Variants in KIAA1217 observed in about 807,000 individuals in gnomAD.
The protein encoded by KIAA1217 is sickle tail protein homolog.
KIAA1217 carries 88 observed loss-of-function variants against 163.9 expected under a neutral mutation model. That is an observed-to-expected ratio of 0.54 (90% CI 0.45 to 0.64). The LOEUF is 0.64. Among genes scored for constraint, KIAA1217 ranks in the 30% least tolerant of loss-of-function variants. The pLI is 0.00. For synonymous variants in KIAA1217, 903 were observed against 923.1 expected (o/e 0.98, Z 0.39); for missense variants, 2,372 against 2,475.0 (o/e 0.96, Z 0.88).
At chr10:24,317,869 A>G (rs1188743359) in intron 2 of KIAA1217, among the ~76,000 whole-genome samples, 1 of 152,230 alleles carries the variant, frequency 6.6e-6, no homozygotes. Flanking sequence ...ACATCAATTC[A>G]AAAGAAAAGA....
intron 2 of KIAA1217, among the ~76,000 whole-genome samples, chr10:24,279,274 G>GT (rs1590526126): frequency 6.8e-6 from 1 of 147,834 alleles, no homozygotes; most frequent in Admixed American, 6.7e-5. Flanking sequence ...GTTTTTGTTT[G>GT]TTTGTTTTTT....
chr10:23,980,809 T>C (rs143085921), intron 1 of KIAA1217, among the ~76,000 whole-genome samples: 1 of 152,266 alleles, frequency 6.6e-6, no homozygotes, highest in Non-Finnish European at 1.5e-5. Flanking sequence ...CATCTTTACT[T>C]CTCTTTCCCA....
chr10:24,219,177 G>T (rs935864453), intron 1 of KIAA1217, among the ~76,000 whole-genome samples: 1 of 152,096 alleles, frequency 6.6e-6, no homozygotes, highest in East Asian at 1.9e-4. Flanking sequence ...GCAGTGGCAC[G>T]ATCATAGCTC....
intron 2 of KIAA1217, among the ~76,000 whole-genome samples, chr10:24,020,817 A>C (rs1168098668): frequency 6.6e-6 from 1 of 152,036 alleles, no homozygotes; most frequent in Non-Finnish European, 1.5e-5. Flanking sequence ...GACTCTACAG[A>C]TTAATTCCTA....
intron 14 of KIAA1217, 67 bp downstream of exon 14, chr10:24,528,186 A>G: frequency 7.7e-7 from 1 of 1,298,068 alleles, no homozygotes; most frequent in South Asian, 1.3e-5. Flanking sequence ...AGTGCCATCC[A>G]CGACAGCACA....
rs546629890 is a variant in KIAA1217 at position 24,091,977 on chromosome 10, G to A, written c.-171+84603G>A. Among the ~76,000 whole-genome samples the A allele has an allele frequency of 1.0e-3, 154 of 151,788 alleles. 8 individuals carry two copies. Among genetic ancestry groups the A allele is most frequent in the African/African-American group, 3.6e-3 (148 of 41,118 alleles). On this transcript the variant is annotated intron_variant, in intron 2 of 18. Coordinates refer to the KIAA1217 transcript ENST00000376462. ...GCTTGGAAAGGCTCACTGCATTTAT[G>A]CCCTCTCATTAACATGGAAGAGCTA...
intron 2 of KIAA1217, among the ~76,000 whole-genome samples, chr10:24,284,155 A>G (rs2078287563): frequency 6.6e-6 from 1 of 152,014 alleles, no homozygotes; most frequent in South Asian, 2.1e-4. Context: ...AGATCCACCC[A>G]CTTTGGCCTC....
At chr10:24,047,133 A>C (rs1389657340) in intron 2 of KIAA1217, among the ~76,000 whole-genome samples, 1 of 152,252 alleles carries the variant, frequency 6.6e-6, no homozygotes, top group African/African-American at 2.4e-5. Flanking sequence ...TAATATTGAA[A>C]TAAATTAAAG....
In KIAA1217 at chr10:24,007,300, C is replaced by G. The variant is rs528577020; in HGVS notation, c.-245C>G. 3 of 152,240 alleles carry G rather than the reference C, an allele frequency of 2.0e-5. No individual in the cohort carries two copies. In the South Asian group the frequency reaches 6.2e-4, roughly 32 times the overall value. The allele number at this position is 152,240 out of a possible 1,614,324, so 9.4% of individuals were successfully genotyped here. A position where few individuals can be genotyped will look rare whatever the true frequency, so the allele number is the denominator to read the frequency against. ...GACGGAGTGGAACCACAGCCCAGAG[C>G]CCCTGGGAATCATCCCTGAAAGACT... On this transcript the variant is annotated 5_prime_UTR_variant, in exon 2 of 19. Coordinates refer to the KIAA1217 transcript ENST00000376462.
At chr10:24,100,208 G>A (rs1675855812) in intron 2 of KIAA1217, among the ~76,000 whole-genome samples, 1 of 151,716 alleles carries the variant, frequency 6.6e-6, no homozygotes. Context: ...TGTTAGTTAG[G>A]TTGGTAATAA....
intron 2 of KIAA1217, among the ~76,000 whole-genome samples, chr10:24,177,724 C>A (rs750892493): frequency 8.6e-5 from 13 of 151,836 alleles, no homozygotes; most frequent in Non-Finnish European, 1.6e-4. Flanking sequence ...AGCAGTTAGA[C>A]AAATTGAAGG....
At chr10:24,197,735 A>G in intron 2 of KIAA1217, among the ~76,000 whole-genome samples, 1 of 152,226 alleles carries the variant, frequency 6.6e-6, no homozygotes, top group Middle Eastern at 3.2e-3. Context: ...CAGAAACTTT[A>G]TTGTAATCTC....
chr10:24,053,143 G>C (rs1267716219), intron 2 of KIAA1217, among the ~76,000 whole-genome samples: 1 of 152,090 alleles, frequency 6.6e-6, no homozygotes, highest in Non-Finnish European at 1.5e-5. Context: ...GTGCAATTTT[G>C]TTCCCCGTGT....
At chr10:24,459,872 A>G (rs574898591) in intron 5 of KIAA1217, among the ~76,000 whole-genome samples, 7 of 152,338 alleles carry the variant, frequency 4.6e-5, no homozygotes, top group African/African-American at 9.6e-5. Context: ...TCAAGGCTTC[A>G]GTGAGCTATG....
intron 1 of KIAA1217, among the ~76,000 whole-genome samples, chr10:23,716,065 A>T (rs1355477184): frequency 1.3e-5 from 2 of 152,160 alleles, no homozygotes; most frequent in Non-Finnish European, 2.9e-5. Context: ...TTATTCCTTA[A>T]ATAAGCTTTT....
chr10:24,070,353 G>GA (rs906848048), intron 2 of KIAA1217, among the ~76,000 whole-genome samples: 9 of 151,042 alleles, frequency 6.0e-5, no homozygotes, highest in African/African-American at 1.9e-4. Context: ...AAAATACATT[G>GA]AAAAAAATGA....
In KIAA1217 at chr10:24,381,055, GAA is replaced by G; in HGVS notation, c.543_544del (p.Arg182IlefsTer12). 2 of 1,563,482 alleles carry G rather than the reference GAA, an allele frequency of 1.3e-6. No homozygotes were observed. ...GGTGAGGTCAACCAACCAGACGAAA[GAA>G]AGATCTCTGGGTAAGCTTTAGAAGG... ...PVVRSTNQTK[E>X]RSLGVLYLQY... On this transcript the variant is annotated frameshift_variant, in exon 3 of 21. Transcript: ENST00000376454. LOFTEE classifies it high-confidence loss of function.
At chr10:23,716,863 G>A (rs1454201451) in intron 1 of KIAA1217, among the ~76,000 whole-genome samples, 2 of 151,968 alleles carry the variant, frequency 1.3e-5, no homozygotes, top group Admixed American at 6.6e-5. Context: ...ACTACATCAC[G>A]TTTTTTCTTT....
At chr10:24,495,364 G>T (rs773893792) in intron 8 of KIAA1217, among the ~76,000 whole-genome samples, 168 bp downstream of exon 8, 6 of 152,220 alleles carry the variant, frequency 3.9e-5, no homozygotes, top group Admixed American at 6.5e-5. Flanking sequence ...TCATTAATTC[G>T]GGGGCAAAGC....
Sources: gnomAD v4.1 joint callset for allele counts (sites outside exome capture counted in the v4.1 genomes callset) on GRCh38, gnomAD v4.1.1 for gene constraint, MANE v1.5 for transcripts, NCBI Gene and HGNC (gene_info 2026-07-23, HGNC 2026-07-21) for gene names.